Variants in HECW2 observed in about 807,000 individuals in gnomAD.
HECW2 encodes HECT, C2 and WW domain containing E3 ubiquitin protein ligase 2.
A neutral mutation model predicts 175.2 loss-of-function variants in HECW2; 61 were observed. The observed-to-expected ratio is 0.35, with a 90% CI of 0.28 to 0.43. The LOEUF is 0.43. Ranked by LOEUF, HECW2 falls within the 20% of genes least tolerant of loss-of-function variation. HECW2 has a pLI of 1.00. For missense variants in HECW2, 1,524 were observed against 2,000.5 expected, an observed-to-expected ratio of 0.76 and a Z score of 4.54; for synonymous variants, 671 against 731.0, an observed-to-expected ratio of 0.92 and a Z score of 1.32.
At chr2:196,350,323 C>T (rs188526205) in intron 2 of HECW2, among the ~76,000 whole-genome samples, 1 of 152,234 alleles carries the variant, frequency 6.6e-6, no homozygotes, top group Non-Finnish European at 1.5e-5. Flanking sequence ...TGAGATTGTG[C>T]CACTGCACTC....
chr2:196,225,158 C>T (rs1047128951), intron 23 of HECW2, among the ~76,000 whole-genome samples: 3 of 152,230 alleles, frequency 2.0e-5, no homozygotes, highest in African/African-American at 7.2e-5. Flanking sequence ...ATTAGCCCTA[C>T]ATTTTACAAT....
intron 1 of HECW2, among the ~76,000 whole-genome samples, chr2:196,566,336 A>G (rs1167984972): frequency 1.3e-5 from 2 of 151,678 alleles, no homozygotes; most frequent in African/African-American, 4.8e-5. Flanking sequence ...TACGGTCTCC[A>G]CGTATTTAGG....
chr2:196,268,351 A>G (rs1689594172), intron 17 of HECW2, among the ~76,000 whole-genome samples: 1 of 152,236 alleles, frequency 6.6e-6, no homozygotes, highest in African/African-American at 2.4e-5. Context: ...AAAATAGATT[A>G]CCATGTGAAT....
chr2:196,480,202 T>TG (rs1388341794), intron 1 of HECW2, among the ~76,000 whole-genome samples: 1 of 152,234 alleles, frequency 6.6e-6, no homozygotes, highest in Admixed American at 6.5e-5. Context: ...CACATCAGTT[T>TG]GGGGGGTCCC....
At chr2:196,281,276 G>T (rs1027392444) in intron 14 of HECW2, among the ~76,000 whole-genome samples, 1 of 151,840 alleles carries the variant, frequency 6.6e-6, no homozygotes, top group African/African-American at 2.4e-5. Context: ...AAAACAAATT[G>T]GCAAAAACTT....
intron 14 of HECW2, 168 bp from the exon 15 acceptor site, chr2:196,278,830 G>T: frequency 1.5e-6 from 1 of 666,874 alleles, no homozygotes; most frequent in South Asian, 2.2e-5. Context: ...GGACAGATCA[G>T]ATTAGAGAAA....
intron 1 of HECW2, among the ~76,000 whole-genome samples, chr2:196,454,488 A>G (rs549739231): frequency 1.6e-3 from 249 of 152,336 alleles, no homozygotes; most frequent in African/African-American, 5.4e-3. Flanking sequence ...ACTATGCTGT[A>G]AACACACCCT....
chr2:196,325,709 C>T (rs961940704), intron 5 of HECW2, among the ~76,000 whole-genome samples: 2 of 152,280 alleles, frequency 1.3e-5, no homozygotes, highest in South Asian at 4.1e-4. Flanking sequence ...ATTTGTACCA[C>T]AAAATGTCAT....
intron 1 of HECW2, among the ~76,000 whole-genome samples, chr2:196,547,735 G>T (rs1689472719): frequency 6.6e-6 from 1 of 152,166 alleles, no homozygotes; most frequent in Non-Finnish European, 1.5e-5. Context: ...CTACTTCCAG[G>T]TGGCTGTTTG....
At chr2:196,396,839 T>G in intron 2 of HECW2, among the ~76,000 whole-genome samples, 2 of 137,292 alleles carry the variant, frequency 1.5e-5, no homozygotes. Context: ...TGGCCGGGTG[T>G]GGTGTCTCAC....
At position 196,196,479 on chromosome 2, in the gene HECW2, T is replaced by C. The variant is rs950360861; in HGVS notation, c.*4798A>G. Reference sequence around the variant, plus strand: ...AAAATGGCTAAGGTCCAGAGTGCTGTCCCTCACCTACTAAATCAGAAAGCA... The same window carrying C: ...AAAATGGCTAAGGTCCAGAGTGCTGCCCCTCACCTACTAAATCAGAAAGCA... On this transcript the variant is annotated 3_prime_UTR_variant, in exon 29 of 29. Transcript: ENST00000644978. 1 of 152,214 alleles carries C rather than the reference T, an allele frequency of 6.6e-6. No individual in the cohort carries two copies. Among genetic ancestry groups the C allele is most frequent in the African/African-American group, 2.4e-5 (1 of 41,450 alleles). The allele number at this position is 152,214 out of a possible 1,614,324, so 9.4% of individuals were successfully genotyped here. A position where few individuals can be genotyped will look rare whatever the true frequency, so the allele number is the denominator to read the frequency against.
At chr2:196,209,842 C>T (rs1163606545) in intron 28 of HECW2, among the ~76,000 whole-genome samples, 1 of 151,428 alleles carries the variant, frequency 6.6e-6, no homozygotes, top group Non-Finnish European at 1.5e-5. Context: ...CGGCTCACTG[C>T]AAGCTCCGCC....
At chr2:196,306,725 C>T in intron 12 of HECW2, 113 bp from the exon 13 acceptor site, 7 of 1,073,688 alleles carry the variant, frequency 6.5e-6, no homozygotes, top group Non-Finnish European at 7.6e-6. Context: ...CATCATGTGT[C>T]ATCATTTTAA....
At position 196,272,798 on chromosome 2, in the gene HECW2, C is replaced by T. The variant is rs757616076; in HGVS notation, c.3238+1223G>A. 9.9e-5 allele frequency among the ~76,000 whole-genome samples: 15 copies of T among 151,958 alleles called. 1 individual carries two copies. The highest frequency in any genetic ancestry group is 4.2e-4 in the South Asian group (2 of 4,816). On this transcript the variant is annotated intron_variant, in intron 16 of 28. Transcript: ENST00000644978. ...AATTATTGAATCGGGGTTTATAGTG[C>T]GTCTGAGCTCAGAGCCCACATAACT...
intron 1 of HECW2, among the ~76,000 whole-genome samples, chr2:196,515,726 A>G (rs1408685271): frequency 6.6e-6 from 1 of 152,220 alleles, no homozygotes; most frequent in African/African-American, 2.4e-5. Context: ...ATAAAAGTGG[A>G]AAGTTAATAT....
At chr2:196,240,917 A>C (rs1382668012) in intron 20 of HECW2, among the ~76,000 whole-genome samples, 2 of 152,196 alleles carry the variant, frequency 1.3e-5, no homozygotes, top group Non-Finnish European at 2.9e-5. Flanking sequence ...TAGTAAAGCA[A>C]GAACAACTCT....
At chr2:196,314,068 C>T (rs779742248) in intron 10 of HECW2, among the ~76,000 whole-genome samples, 75 of 152,162 alleles carry the variant, frequency 4.9e-4, no homozygotes, top group Non-Finnish European at 3.8e-4. Context: ...GTAGCTTGTC[C>T]CTAGGGTAGA....
At chr2:196,536,461 T>C (rs988907080) in intron 1 of HECW2, among the ~76,000 whole-genome samples, 1 of 152,210 alleles carries the variant, frequency 6.6e-6, no homozygotes, top group Non-Finnish European at 1.5e-5. Flanking sequence ...CCACAGATAC[T>C]AAAAGTTGGC....
At chr2:196,581,902 T>C (rs991584900) in intron 1 of HECW2, among the ~76,000 whole-genome samples, 2 of 151,840 alleles carry the variant, frequency 1.3e-5, no homozygotes, top group South Asian at 2.1e-4. Context: ...CTATCTCTAC[T>C]AAAAATACAA....
Sources: allele counts gnomAD v4.1 joint callset (sites outside exome capture counted in the v4.1 genomes callset), GRCh38; gene constraint gnomAD v4.1.1; transcripts MANE v1.5; gene names NCBI Gene and HGNC (gene_info 2026-07-23, HGNC 2026-07-21).